EXOC2: variants seen among roughly 807,000 people sequenced by gnomAD.
The protein encoded by EXOC2 is SEC5-like 1.
EXOC2 carries 70 observed loss-of-function variants against 131.8 expected under a neutral mutation model. The observed-to-expected ratio is 0.53, with a 90% confidence interval of 0.44 to 0.65. The LOEUF is 0.65. Among genes scored for constraint, EXOC2 ranks in the 30% least tolerant of loss-of-function variants. The pLI, the probability that EXOC2 is intolerant of heterozygous loss-of-function variation, is 0.00. For synonymous variants in EXOC2, 411 were observed against 398.4 expected, an observed-to-expected ratio of 1.03 and a Z score of -0.38; for missense variants, 923 against 1,108.6, an observed-to-expected ratio of 0.83 and a Z score of 2.38.
At chr6:606,461 T>C (rs1205394190) in intron 7 of EXOC2, among the ~76,000 whole-genome samples, 1 of 123,512 alleles carries the variant, frequency 8.1e-6, no homozygotes, top group Non-Finnish European at 2.0e-5. Context: ...AAATAAAAAA[T>C]AAAACATCAG....
At chr6:542,182 G>C (rs1756593747) in intron 22 of EXOC2, among the ~76,000 whole-genome samples, 1 of 152,200 alleles carries the variant, frequency 6.6e-6, no homozygotes, top group African/African-American at 2.4e-5. Flanking sequence ...GGGATGCTTT[G>C]TTCCTTCAGC....
chr6:579,704 G>T (rs1235889759), intron 11 of EXOC2, among the ~76,000 whole-genome samples: 1 of 152,028 alleles, frequency 6.6e-6, no homozygotes, highest in East Asian at 1.9e-4. Flanking sequence ...ATGTTTTGAA[G>T]AGAAAAGCAA....
chr6:488,536 T>G (rs1026451732), intron 27 of EXOC2, among the ~76,000 whole-genome samples: 2 of 152,194 alleles, frequency 1.3e-5, no homozygotes, highest in Non-Finnish European at 2.9e-5. Flanking sequence ...TTCATAACAT[T>G]TTGTATTTTA....
intron 12 of EXOC2, among the ~76,000 whole-genome samples, chr6:573,717 TTAA>T (rs919663647): frequency 6.6e-6 from 1 of 151,646 alleles, no homozygotes; most frequent in African/African-American, 2.4e-5. Flanking sequence ...TAATAATTTA[TTAA>T]TGATTTAATA....
At chr6:678,780 T>C (rs1254231976) in intron 1 of EXOC2, among the ~76,000 whole-genome samples, 2 of 152,146 alleles carry the variant, frequency 1.3e-5, no homozygotes, top group Non-Finnish European at 2.9e-5. Flanking sequence ...CAAACACTGA[T>C]GATGGGCCGT....
At position 686,199 on chromosome 6, in the gene EXOC2, T is replaced by G. The variant is rs375859984; in HGVS notation, c.-44+6820A>C. 7.9e-5 allele frequency among the ~76,000 whole-genome samples: 12 copies of G among 152,000 alleles called. No homozygotes were observed. The East Asian group carries it at 2.3e-3, about 30-fold the overall frequency. The stretch of plus-strand genomic sequence containing the variant: ...GGATGGTCTCAAACTCCTGACCTCA[T>G]GATTCGCCCTCCTCGGCCTCCCAAA... On this transcript the variant is annotated intron_variant, in intron 1 of 27. Transcript: ENST00000230449.
chr6:590,922 C>T (rs1361111968), intron 11 of EXOC2, among the ~76,000 whole-genome samples: 1 of 152,176 alleles, frequency 6.6e-6, no homozygotes, highest in Admixed American at 6.5e-5. Flanking sequence ...GTCAGACAAC[C>T]CCAAGTCAAG....
intron 10 of EXOC2, among the ~76,000 whole-genome samples, chr6:597,420 C>T (rs1759880241): frequency 6.6e-6 from 1 of 152,148 alleles, no homozygotes; most frequent in Non-Finnish European, 1.5e-5. Flanking sequence ...AGTGATCCGC[C>T]CGCCTCAGCC....
chr6:563,882 CT>C, intron 16 of EXOC2, 150 bp downstream of exon 16: 1 of 1,137,940 alleles, frequency 8.8e-7, no homozygotes. Context: ...AGAAAAAACA[CT>C]TATTGAGCAG....
rs1384337982 is a variant in EXOC2 at position 486,560 on chromosome 6, G to A, written c.*111C>T. On this transcript the variant is annotated 3_prime_UTR_variant, in exon 28 of 28. Coordinates refer to ENST00000230449, the MANE Select transcript of EXOC2 (RefSeq NM_018303.6). Reference sequence around the variant, plus strand: ...TTTTCGAAGTCAGAGGAAGAAAAAAGAGAAAAATGGCAAACCCAATGTTTA... The same window carrying A: ...TTTTCGAAGTCAGAGGAAGAAAAAAAAGAAAAATGGCAAACCCAATGTTTA... The A allele has an allele frequency of 5.2e-6, 5 of 970,084 alleles. No homozygotes were observed. The highest frequency in any genetic ancestry group is 1.6e-5 in the African/African-American group (1 of 60,910). 60.1% of individuals were successfully genotyped at this position (970,084 alleles called of 1,614,324 possible).
At chr6:655,620 T>C (rs1013839348) in intron 1 of EXOC2, among the ~76,000 whole-genome samples, 3 of 152,226 alleles carry the variant, frequency 2.0e-5, no homozygotes, top group Non-Finnish European at 4.4e-5. Flanking sequence ...ACATATCCTA[T>C]ACAGAACACG....
At chr6:496,691 TC>T (rs1237482343) in intron 25 of EXOC2, among the ~76,000 whole-genome samples, 1 of 152,156 alleles carries the variant, frequency 6.6e-6, no homozygotes, top group Non-Finnish European at 1.5e-5. Context: ...TTCTCTGGTG[TC>T]TTCAGGGATT....
chr6:528,568 T>C (rs6903640), intron 23 of EXOC2, among the ~76,000 whole-genome samples: 73,014 of 152,002 alleles, frequency 0.48, 20,184 homozygotes, highest in South Asian at 0.71. Flanking sequence ...CTACATGTTT[T>C]TGGAATCTGA....
intron 25 of EXOC2, among the ~76,000 whole-genome samples, chr6:494,003 T>C (rs1581289787): frequency 2.0e-5 from 3 of 152,348 alleles, no homozygotes; most frequent in Middle Eastern, 6.8e-3. Flanking sequence ...CTAAGACTGC[T>C]AAGGCCCACA....
intron 5 of EXOC2, among the ~76,000 whole-genome samples, 165 bp from the exon 6 acceptor site, chr6:618,000 G>A (rs904341180): frequency 1.6e-4 from 24 of 152,286 alleles, no homozygotes; most frequent in East Asian, 9.6e-4. Context: ...AAATTGTTGC[G>A]TAGATCTAAA....
At chr6:503,922 C>T (rs552283773) in intron 23 of EXOC2, among the ~76,000 whole-genome samples, 13 of 152,306 alleles carry the variant, frequency 8.5e-5, no homozygotes, top group African/African-American at 3.1e-4. Context: ...CTTTTACTCC[C>T]ATAAAGCACT....
chr6:637,958 G>C (rs914077321), intron 1 of EXOC2, 97 bp from the exon 2 acceptor site: 1 of 798,578 alleles, frequency 1.3e-6, no homozygotes, highest in African/African-American at 1.8e-5. Context: ...AATATAAAAA[G>C]TATTCTTAAA....
At chr6:512,428 TTTC>T (rs1316812287) in intron 23 of EXOC2, among the ~76,000 whole-genome samples, 1 of 152,256 alleles carries the variant, frequency 6.6e-6, no homozygotes, top group African/African-American at 2.4e-5. Flanking sequence ...TTCTTATGAT[TTTC>T]TTAATAGCAT....
At chr6:643,000 G>A (rs533917818) in intron 1 of EXOC2, among the ~76,000 whole-genome samples, 1 of 152,046 alleles carries the variant, frequency 6.6e-6, no homozygotes, top group Admixed American at 6.5e-5. Flanking sequence ...ATCTGAAGGG[G>A]AAGTGATACC....
Sources: allele counts gnomAD v4.1 joint callset (sites outside exome capture counted in the v4.1 genomes callset), GRCh38; gene constraint gnomAD v4.1.1; transcripts MANE v1.5; gene names NCBI Gene and HGNC (gene_info 2026-07-23, HGNC 2026-07-21).